The following HDAC9 variants were observed in gnomAD, a reference collection of about 807,000 sequenced individuals.
The protein encoded by HDAC9 is histone deacetylase 9.
HDAC9 carries 41 observed loss-of-function variants against 139.4 expected under a neutral mutation model. The observed-to-expected ratio is 0.29, with a 90% CI of 0.23 to 0.38. The LOEUF (loss-of-function observed/expected upper bound fraction) is 0.38. Ranked by LOEUF, HDAC9 falls within the 10% of genes least tolerant of loss-of-function variation. The probability of loss-of-function intolerance (pLI) is 1.00; values close to 1 mark genes in which losing one functional copy is unlikely to be tolerated. For missense variants in HDAC9, 1,147 were observed against 1,297.0 expected (o/e 0.88, Z 1.78); for synonymous variants, 517 against 476.2 (o/e 1.09, Z -1.12).
At chr7:18,768,992 T>A (rs180803804) in intron 16 of HDAC9, among the ~76,000 whole-genome samples, 4 of 152,292 alleles carry the variant, frequency 2.6e-5, no homozygotes, top group African/African-American at 9.6e-5. Flanking sequence ...TTGGCATGAA[T>A]AAGGTAGGCT....
chr7:18,383,853 C>T (rs1446224068), intron 1 of HDAC9, among the ~76,000 whole-genome samples: 1 of 149,810 alleles, frequency 6.7e-6, no homozygotes, highest in Non-Finnish European at 1.5e-5. Flanking sequence ...TGCACCACTG[C>T]ACTCCAGCCT....
chr7:18,423,785 AGGCTT>A (rs1485343206), intron 1 of HDAC9, among the ~76,000 whole-genome samples: 2 of 152,232 alleles, frequency 1.3e-5, no homozygotes, highest in Non-Finnish European at 2.9e-5. Context: ...ATCTGTTTAA[AGGCTT>A]GGCTCAGAGT....
At position 18,795,167 on chromosome 7, in the gene HDAC9, A is replaced by G. The variant is rs562147306; in HGVS notation, c.2322+1715A>G. On this transcript the variant is annotated intron_variant, in intron 17 of 25. Transcript: ENST00000686413. Reference sequence around the variant, plus strand: ...ACCACCAGCTGTAGTAACATCAGGTATTTATATTGAGAACAACGATTGGTA... The same window carrying G: ...ACCACCAGCTGTAGTAACATCAGGTGTTTATATTGAGAACAACGATTGGTA... Among the ~76,000 whole-genome samples the G allele has an allele frequency of 8.7e-5, 13 of 149,288 alleles. No individual in the cohort carries two copies. The East Asian group carries it at 2.5e-3, about 29-fold the overall frequency.
rs113888249 is a variant in HDAC9, at chr7:18,661,394, C to T, written c.1468-4819C>T. On this transcript the variant is annotated intron_variant, in intron 11 of 25. Coordinates refer to ENST00000686413, the MANE Select transcript of HDAC9 (RefSeq NM_178425.4). ...TAGATCTAAGAAAACAAGTTAAGTA[C>T]GCAGCTAACTATGCAAGTTTGGAGC... Among the ~76,000 whole-genome samples the T allele has an allele frequency of 4.8e-3, 734 of 152,134 alleles. 1 individual carries two copies. Among genetic ancestry groups the T allele is most frequent in the Non-Finnish European group, 8.0e-3 (547 of 67,980 alleles).
In HDAC9 at chr7:18,354,274, T is replaced by C. The variant is rs577558763; in HGVS notation, c.-42+63759T>C. On this transcript the variant is annotated intron_variant, in intron 1 of 3. Transcript: ENST00000413509. ...TCTTCCCATTTATTACATTTGCCAC[T>C]TCATTGTGACCTTACTATGACCTTG... 1.7e-3 allele frequency among the ~76,000 whole-genome samples: 252 copies of C among 152,184 alleles called. 1 individual carries two copies. The highest frequency in any genetic ancestry group is 2.7e-3 in the Non-Finnish European group (185 of 68,022).
intron 25 of HDAC9, among the ~76,000 whole-genome samples, chr7:18,984,164 G>T (rs1213077762): frequency 6.6e-6 from 1 of 152,056 alleles, no homozygotes; most frequent in East Asian, 1.9e-4. Flanking sequence ...CTTATGAATA[G>T]AATCTGCATC....
intron 1 of HDAC9, among the ~76,000 whole-genome samples, chr7:18,133,771 T>C (rs1785186981): frequency 6.6e-6 from 1 of 152,156 alleles, no homozygotes; most frequent in South Asian, 2.1e-4. Flanking sequence ...GTAAATGCTT[T>C]CGTGTCGCTT....
intron 1 of HDAC9, among the ~76,000 whole-genome samples, chr7:18,156,849 G>A (rs558315337): frequency 1.3e-5 from 2 of 152,332 alleles, no homozygotes; most frequent in Non-Finnish European, 2.9e-5. Flanking sequence ...ATACGGCTGG[G>A]TGTGGTGGCT....
chr7:18,255,763 G>A (rs1795200070), intron 2 of HDAC9, among the ~76,000 whole-genome samples: 1 of 151,588 alleles, frequency 6.6e-6, no homozygotes, highest in Admixed American at 6.6e-5. Context: ...TAGGTAGCTG[G>A]GATTACAGGC....
intron 2 of HDAC9, among the ~76,000 whole-genome samples, chr7:18,577,887 T>C (rs1282832108): frequency 5.9e-5 from 9 of 151,994 alleles, no homozygotes; most frequent in Non-Finnish European, 1.0e-4. Context: ...CAATCCATAA[T>C]ACATAACATG....
chr7:18,683,724 G>A (rs17139619), intron 12 of HDAC9, among the ~76,000 whole-genome samples: 2,870 of 152,178 alleles, frequency 0.019, 81 homozygotes, highest in African/African-American at 0.058. Flanking sequence ...TGGAAAGATA[G>A]TGCTGGCAGA....
intron 22 of HDAC9, among the ~76,000 whole-genome samples, chr7:18,915,779 T>TAACAAC (rs370992123): frequency 2.0e-5 from 3 of 151,706 alleles, no homozygotes; most frequent in Admixed American, 1.3e-4. Context: ...ATTTTTTCCC[T>TAACAAC]AACAACAACA....
At chr7:18,981,459 T>A (rs1563103912) in intron 25 of HDAC9, among the ~76,000 whole-genome samples, 1 of 152,062 alleles carries the variant, frequency 6.6e-6, no homozygotes, top group African/African-American at 2.4e-5. Flanking sequence ...CAGTCAGAAA[T>A]CTAACTAACC....
chr7:18,116,677 A>T (rs1459634320), intron 1 of HDAC9, among the ~76,000 whole-genome samples: 4 of 152,294 alleles, frequency 2.6e-5, no homozygotes, highest in Admixed American at 1.3e-4. Flanking sequence ...AGTTGATTTA[A>T]TAAATCAACT....
intron 2 of HDAC9, among the ~76,000 whole-genome samples, chr7:18,518,341 C>G (rs572574283): frequency 6.6e-6 from 1 of 152,312 alleles, no homozygotes; most frequent in African/African-American, 2.4e-5. Context: ...GTTTCTGAAT[C>G]TAAGAAAATT....
At chr7:18,284,466 A>G (rs976336891) in intron 2 of HDAC9, among the ~76,000 whole-genome samples, 36 of 152,084 alleles carry the variant, frequency 2.4e-4, no homozygotes, top group African/African-American at 8.5e-4. Flanking sequence ...CTCCTATTTC[A>G]TCTTCCACCA....
intron 1 of HDAC9, among the ~76,000 whole-genome samples, chr7:18,351,301 C>T (rs985486670): frequency 2.9e-4 from 44 of 151,888 alleles, no homozygotes; most frequent in African/African-American, 9.4e-4. Flanking sequence ...ATATTTTTCC[C>T]CTTAAAGATT....
chr7:18,095,610 T>G (rs1782455078), intron 1 of HDAC9, among the ~76,000 whole-genome samples: 2 of 152,216 alleles, frequency 1.3e-5, no homozygotes, highest in Non-Finnish European at 2.9e-5. Flanking sequence ...CGGTTTTGAC[T>G]AAGACTACAG....
At chr7:18,191,177 G>T (rs1584549303) in intron 2 of HDAC9, among the ~76,000 whole-genome samples, 1 of 152,100 alleles carries the variant, frequency 6.6e-6, no homozygotes, top group African/African-American at 2.4e-5. Context: ...ATTATTTTAT[G>T]TTGTATGTAT....
Sources: allele counts gnomAD v4.1 joint callset (sites outside exome capture counted in the v4.1 genomes callset), GRCh38; gene constraint gnomAD v4.1.1; transcripts MANE v1.5; gene names NCBI Gene and HGNC (gene_info 2026-07-23, HGNC 2026-07-21).